The following MLIP variants were observed in gnomAD, a reference collection of about 807,000 sequenced individuals.
MLIP encodes the protein muscular LMNA-interacting protein.
MLIP carries 79 observed loss-of-function variants against 84.8 expected under a neutral mutation model. That is an observed-to-expected ratio of 0.93 (90% CI 0.78 to 1.12). The LOEUF is 1.12. Ranked by LOEUF, MLIP falls within the 50% of genes most tolerant of loss-of-function variation. The pLI is 0.00. For synonymous variants in MLIP, 504 were observed against 463.0 expected (o/e 1.09, Z -1.14); for missense variants, 1,257 against 1,160.6 (o/e 1.08, Z -1.21).
At chr6:54,088,720 G>C (rs944009811) in intron 1 of MLIP, among the ~76,000 whole-genome samples, 1 of 152,176 alleles carries the variant, frequency 6.6e-6, no homozygotes. Context: ...GGTTGTGCCA[G>C]GTGATCCATT....
At chr6:54,093,843 G>A (rs1204620806) in intron 1 of MLIP, among the ~76,000 whole-genome samples, 1 of 152,208 alleles carries the variant, frequency 6.6e-6, no homozygotes, top group East Asian at 1.9e-4. Context: ...CAGTGGCAGA[G>A]CTGAAGAGCT....
intron 12 of MLIP, among the ~76,000 whole-genome samples, chr6:54,243,749 C>T (rs1341952329): frequency 6.6e-6 from 1 of 151,986 alleles, no homozygotes; most frequent in East Asian, 1.9e-4. Context: ...TCACCATCAC[C>T]ACCACCCGGG....
chr6:54,160,489 C>G, intron 6 of MLIP, 27 bp from the exon 7 acceptor site: 2 of 1,611,284 alleles, frequency 1.2e-6, no homozygotes, highest in South Asian at 2.2e-5. Context: ...TTATTGCTAA[C>G]CCAGTACCTG....
intron 1 of MLIP, among the ~76,000 whole-genome samples, chr6:54,027,524 G>A (rs7757485): frequency 6.6e-6 from 1 of 152,004 alleles, no homozygotes; most frequent in Admixed American, 6.6e-5. Flanking sequence ...ACCTGACACA[G>A]ATATCTTAGT....
At chr6:54,138,772 C>T (rs534491641) in intron 4 of MLIP, among the ~76,000 whole-genome samples, 3 of 152,258 alleles carry the variant, frequency 2.0e-5, no homozygotes, top group Admixed American at 6.5e-5. Context: ...AGCACGTTCT[C>T]GTAGCAGAAA....
intron 1 of MLIP, among the ~76,000 whole-genome samples, chr6:54,103,165 C>A (rs1768775744): frequency 6.6e-6 from 1 of 152,038 alleles, no homozygotes; most frequent in South Asian, 2.1e-4. Context: ...AAAGATAACA[C>A]AATAAGCCCC....
At chr6:54,086,110 C>T (rs1582104759) in intron 1 of MLIP, among the ~76,000 whole-genome samples, 1 of 152,170 alleles carries the variant, frequency 6.6e-6, no homozygotes, top group African/African-American at 2.4e-5. Flanking sequence ...TCTTCATCCT[C>T]CTCACATTTA....
intron 12 of MLIP, among the ~76,000 whole-genome samples, chr6:54,251,811 A>G (rs1782549042): frequency 1.1e-5 from 1 of 94,784 alleles, no homozygotes; most frequent in African/African-American, 4.4e-5. Flanking sequence ...TATATATATT[A>G]TAACAGATAA....
At chr6:54,099,387 G>C (rs1346377203) in intron 1 of MLIP, among the ~76,000 whole-genome samples, 1 of 151,568 alleles carries the variant, frequency 6.6e-6, no homozygotes. Context: ...GATTTTTTTT[G>C]TGTATCAAAT....
intron 3 of MLIP, among the ~76,000 whole-genome samples, chr6:54,135,440 T>G (rs1418647088): frequency 6.6e-6 from 1 of 152,090 alleles, no homozygotes; most frequent in Non-Finnish European, 1.5e-5. Flanking sequence ...GTGTTTGAAT[T>G]TGCCAGTTTT....
At position 54,137,475 on chromosome 6, in the gene MLIP, G is replaced by C. The variant is rs1028510015; in HGVS notation, c.1406G>C (p.Cys469Ser). 1.1e-5 allele frequency: 17 copies of C among 1,535,872 alleles called. No individual in the cohort carries two copies. The highest frequency in any genetic ancestry group is 1.3e-5 in the Non-Finnish European group (15 of 1,146,906). ...ACGCCTAAAAAATCTCTCTCAAGTT[G>C]TTCCCTGAGAGCCGGGTCACCAGAT... ...PPTPKKSLSS[C>S]SLRAGSPDQG... is the part of the protein sequence containing the mutation. The change falls in exon 4 of 14, where the codon TGT becomes TCT. Residue 469 changes from cysteine to serine, a missense_variant. Cys to Ser is a moderately radical substitution (Grantham distance 112). Coordinates refer to ENST00000502396, the MANE Select transcript of MLIP (RefSeq NM_001281747.2).
chr6:54,217,847 C>T, intron 11 of MLIP: 2 of 985,102 alleles, frequency 2.0e-6, no homozygotes, highest in Non-Finnish European at 1.2e-6. Context: ...TCATATATTG[C>T]ATGCTAAAGC....
chr6:54,158,179 T>G (rs1376983035), intron 5 of MLIP, among the ~76,000 whole-genome samples: 1 of 152,072 alleles, frequency 6.6e-6, no homozygotes, highest in Non-Finnish European at 1.5e-5. Context: ...GAGCAATGGA[T>G]TCCATGGTTT....
chr6:54,215,167 A>C (rs1402241980), intron 11 of MLIP: 2 of 1,535,752 alleles, frequency 1.3e-6, no homozygotes, highest in Non-Finnish European at 1.7e-6. Context: ...CTCCTACTGC[A>C]ACGGAAGTGA....
chr6:54,203,576 C>G (rs1169527488), intron 11 of MLIP: 1 of 151,824 alleles, frequency 6.6e-6, no homozygotes, highest in Non-Finnish European at 1.5e-5. Context: ...GCTTCAGTTT[C>G]TTTCTTTCTT....
At chr6:54,142,166 T>C (rs1381964279) in intron 4 of MLIP, among the ~76,000 whole-genome samples, 1 of 152,216 alleles carries the variant, frequency 6.6e-6, no homozygotes, top group African/African-American at 2.4e-5. Context: ...AGTCATTCAA[T>C]AAATATGTAT....
chr6:54,246,053 A>G (rs1470414309), intron 12 of MLIP, among the ~76,000 whole-genome samples: 2 of 152,174 alleles, frequency 1.3e-5, no homozygotes, highest in Non-Finnish European at 2.9e-5. Context: ...TACAGCCATC[A>G]AATAATGATA....
chr6:54,177,485 G>A lies in MLIP; in HGVS notation c.2544+7913G>A, dbSNP rs537710269. On this transcript the variant is annotated intron_variant, in intron 9 of 13. Coordinates refer to ENST00000502396, the MANE Select transcript of MLIP (RefSeq NM_001281747.2). ...CATTAGAGAAACACAAATCAAAACC[G>A]CAATGAGATACCATCTCACACCAGT... 7.8e-4 allele frequency among the ~76,000 whole-genome samples: 119 copies of A among 152,006 alleles called. 1 individual carries two copies. Among genetic ancestry groups the A allele is most frequent in the Middle Eastern group, 3.4e-3 (1 of 294 alleles).
chr6:54,178,911 A>T (rs1776573932), intron 9 of MLIP, among the ~76,000 whole-genome samples: 1 of 152,172 alleles, frequency 6.6e-6, no homozygotes, highest in Non-Finnish European at 1.5e-5. Flanking sequence ...TATTAGGTCT[A>T]TTTGGTCTAT....
Sources: gnomAD v4.1 joint callset for allele counts (sites outside exome capture counted in the v4.1 genomes callset) on GRCh38, gnomAD v4.1.1 for gene constraint, MANE v1.5 for transcripts, NCBI Gene and HGNC (gene_info 2026-07-23, HGNC 2026-07-21) for gene names.